The following ZNF280C variants were observed in gnomAD, a reference collection of about 807,000 sequenced individuals.
The protein encoded by ZNF280C is zinc finger protein 280C.
ZNF280C carries 14 observed loss-of-function variants against 53.6 expected under a neutral mutation model. The ratio of observed to expected loss-of-function variants is 0.26; its 90% CI spans 0.17 to 0.41. The LOEUF is 0.41. Among genes scored for constraint, ZNF280C ranks in the 10% least tolerant of loss-of-function variants. The probability of loss-of-function intolerance (pLI) is 1.00; values close to 1 mark genes in which losing one functional copy is unlikely to be tolerated. For missense variants in ZNF280C, 416 were observed against 547.1 expected (o/e 0.76, Z 2.39); for synonymous variants, 203 against 181.1 (o/e 1.12, Z -0.97).
intron 10 of ZNF280C, among the ~76,000 whole-genome samples, chrX:130,228,603 G>GT (rs1260732629): frequency 1.1e-5 from 1 of 89,818 alleles, no homozygotes; most frequent in Non-Finnish European, 2.2e-5. Context: ...AATTTTAACA[G>GT]TTTTTTTCTT....
At chrX:130,227,934 A>T in intron 10 of ZNF280C, 152 bp from the exon 11 acceptor site, 1 of 382,185 alleles carries the variant, frequency 2.6e-6, no homozygotes. Context: ...TGCTGTTCCA[A>T]GGATATATTA....
chrX:130,263,580 A>G (rs1022755177), intron 1 of ZNF280C, among the ~76,000 whole-genome samples: 1 of 111,708 alleles, frequency 9.0e-6, no homozygotes, highest in Non-Finnish European at 1.9e-5. Context: ...GTGACTGTTA[A>G]TGGGTACAGG....
chrX:130,205,322 A>G lies in ZNF280C; in HGVS notation c.2136T>C (p.His712=), dbSNP rs183289121. Residue 712 remains histidine, a synonymous_variant, in exon 17 of 19, where the codon CAT becomes CAC. Coordinates refer to ENST00000370978, the MANE Select transcript of ZNF280C (RefSeq NM_017666.5). ...MAKHLSQRKT[H]TCQVIIENVS... ...CATTCTCTATTATAACTTGGCAAGT[A>G]TGAGTTTTACGTTGACTTAAGTGTT... is the stretch of plus-strand genomic sequence containing the variant. The G allele has an allele frequency of 8.5e-4, 1,029 of 1,203,712 alleles. No homozygotes were observed. Among genetic ancestry groups the G allele is most frequent in the Non-Finnish European group, 1.1e-3 (958 of 891,322 alleles).
At chrX:130,227,287 C>G (rs1411340475) in intron 11 of ZNF280C, among the ~76,000 whole-genome samples, 1 of 112,104 alleles carries the variant, frequency 8.9e-6, no homozygotes, top group African/African-American at 3.2e-5. Flanking sequence ...ATCTTCATCT[C>G]AATTCCTCGT....
At chrX:130,253,094 A>C (rs2032532124) in intron 2 of ZNF280C, among the ~76,000 whole-genome samples, 1 of 112,005 alleles carries the variant, frequency 8.9e-6, no homozygotes. Context: ...AACGTACAAA[A>C]ATCACCGGCA....
At chrX:130,265,947 C>CT (rs1377147549) in intron 1 of ZNF280C, among the ~76,000 whole-genome samples, 1 of 111,813 alleles carries the variant, frequency 8.9e-6, no homozygotes, top group Non-Finnish European at 1.9e-5. Flanking sequence ...ATCAGTAGTT[C>CT]TCAAACTCTT....
chrX:130,220,100 A>G (rs2032147658), intron 13 of ZNF280C, among the ~76,000 whole-genome samples: 1 of 111,127 alleles, frequency 9.0e-6, no homozygotes, highest in South Asian at 3.8e-4. Flanking sequence ...ACAAGCATAC[A>G]ATACATAATG....
At chrX:130,214,735 T>C (rs1272207307) in intron 15 of ZNF280C, among the ~76,000 whole-genome samples, 1 of 112,063 alleles carries the variant, frequency 8.9e-6, no homozygotes, top group Non-Finnish European at 1.9e-5. Flanking sequence ...TTATACTGTA[T>C]TGTTTAGAGA....
At chrX:130,205,096 C>T in intron 18 of ZNF280C, 21 bp downstream of exon 18, 1 of 1,186,678 alleles carries the variant, frequency 8.4e-7, no homozygotes, top group Non-Finnish European at 1.1e-6. Flanking sequence ...GCAAAATGCA[C>T]TGAAGGAAAA....
At position 130,215,917 on chromosome X, in the gene ZNF280C, G is replaced by A; in HGVS notation, c.1712C>T (p.Thr571Ile). Residue 571 changes from threonine (T) to isoleucine (I), a missense_variant, in exon 14 of 19, where the codon ACT (threonine) becomes ATT (isoleucine). This residue lies in a region of ZNF280C where 151 missense variants were observed against 176.9 expected (regional missense o/e 0.85). Transcript: ENST00000370978. ...KTSKLHATTS[T>I]ASKVNTSKPR... ...CTTACTTGTATTAACTTTACTTGCA[G>A]TGGATGTAGTTGCATGAAGCTTACT... 1 of 1,211,365 alleles carries A rather than the reference G, an allele frequency of 8.3e-7. No individual in the cohort carries two copies. The highest frequency in any genetic ancestry group is 1.1e-6 in the Non-Finnish European group (1 of 895,220).
At chrX:130,252,245 TC>T (rs760866179) in intron 2 of ZNF280C, among the ~76,000 whole-genome samples, 3 of 112,006 alleles carry the variant, frequency 2.7e-5, no homozygotes, top group Non-Finnish European at 5.6e-5. Context: ...CAGCAGCACA[TC>T]AAAAAGCTTA....
chrX:130,217,923 C>A lies in ZNF280C; in HGVS notation c.1528-1822G>T, dbSNP rs2032121876. On this transcript the variant is annotated intron_variant, in intron 13 of 18. Coordinates refer to ENST00000370978, the MANE Select transcript of ZNF280C (RefSeq NM_017666.5). Reference sequence around the variant, plus strand: ...TGGTGGCTCATGCCTGTAACCCCAGCACTTTGGGAGGCCAAGGTGGGTGGA... The same window carrying A: ...TGGTGGCTCATGCCTGTAACCCCAGAACTTTGGGAGGCCAAGGTGGGTGGA... 3.6e-5 allele frequency among the ~76,000 whole-genome samples: 4 copies of A among 111,976 alleles called. No individual in the cohort carries two copies. The Admixed American group carries it at 3.8e-4, about 11-fold the overall frequency.
chrX:130,215,414 C>T, intron 14 of ZNF280C, 81 bp from the exon 15 acceptor site: 1 of 945,229 alleles, frequency 1.1e-6, no homozygotes, highest in Non-Finnish European at 1.4e-6. Context: ...ATTTTATTAA[C>T]TGAAGCCAAA....
At chrX:130,255,342 G>A (rs1276590540) in intron 2 of ZNF280C, among the ~76,000 whole-genome samples, 3 of 104,080 alleles carry the variant, frequency 2.9e-5, no homozygotes, top group East Asian at 3.0e-4. Flanking sequence ...GGGTTTCACC[G>A]TTTTAGCCGG....
chrX:130,226,322 C>T (rs1234074245), intron 12 of ZNF280C, among the ~76,000 whole-genome samples: 1 of 111,795 alleles, frequency 8.9e-6, no homozygotes, highest in Non-Finnish European at 1.9e-5. Context: ...GAGGAAAATA[C>T]AAGGTTATGA....
At chrX:130,264,660 A>C (rs1160492692) in intron 1 of ZNF280C, among the ~76,000 whole-genome samples, 1 of 110,814 alleles carries the variant, frequency 9.0e-6, no homozygotes, top group Non-Finnish European at 1.9e-5. Flanking sequence ...ATTTATATAT[A>C]AGTAGGGAAT....
intron 6 of ZNF280C, among the ~76,000 whole-genome samples, chrX:130,237,593 A>T (rs1423222073): frequency 1.8e-5 from 2 of 111,633 alleles, no homozygotes; most frequent in African/African-American, 3.2e-5. Flanking sequence ...GGGTTCTAAA[A>T]CTGCATGTCG....
chrX:130,223,579 A>G (rs907767521), intron 12 of ZNF280C, among the ~76,000 whole-genome samples: 1 of 112,080 alleles, frequency 8.9e-6, no homozygotes, highest in African/African-American at 3.2e-5. Context: ...GTGGCTGTGA[A>G]GATTAAACAA....
chrX:130,266,018 T>C (rs2032684625), intron 1 of ZNF280C, among the ~76,000 whole-genome samples: 1 of 112,340 alleles, frequency 8.9e-6, no homozygotes, highest in African/African-American at 3.2e-5. Flanking sequence ...TTTATGTTTA[T>C]ATGGACAATA....
Sources: gnomAD v4.1 joint callset for allele counts (sites outside exome capture counted in the v4.1 genomes callset) on GRCh38, gnomAD v4.1.1 for gene constraint, gnomAD v4.1.1 regional missense constraint, MANE v1.5 for transcripts, NCBI Gene and HGNC (gene_info 2026-07-23, HGNC 2026-07-21) for gene names.